The following TRMT9B variants were observed in gnomAD, a reference collection of about 807,000 sequenced individuals.
TRMT9B encodes probable tRNA methyltransferase 9B.
In TRMT9B, 16 loss-of-function variants were observed where a neutral mutation model predicts 11.5. That is an observed-to-expected ratio of 1.39 (90% CI 0.94 to 2.11). TRMT9B has a LOEUF of 2.11. Ranked by LOEUF, TRMT9B falls within the 30% of genes most tolerant of loss-of-function variation. The pLI is 0.00. For missense variants in TRMT9B, 941 were observed against 553.8 expected (o/e 1.70, Z -7.02); for synonymous variants, 274 against 192.4 (o/e 1.42, Z -3.51).
At position 13,027,517 on chromosome 8, in the gene TRMT9B, C is replaced by G. The variant is rs951196945; in HGVS notation, c.*5473C>G. 2 of 166,986 alleles carry G rather than the reference C, an allele frequency of 1.2e-5. No individual in the cohort carries two copies. The highest frequency in any genetic ancestry group is 4.8e-5 in the African/African-American group (2 of 41,448). The allele number at this position is 166,986 out of a possible 1,614,324, so 10.3% of individuals were successfully genotyped here. On this transcript the variant is annotated 3_prime_UTR_variant, in exon 5 of 5. Transcript: ENST00000524591. ...CAGACTCCTTTGGATGGCATTCAGG[C>G]CCTTCATAAAGTAACTCTGAATTAT... is the stretch of plus-strand genomic sequence containing the variant.
chr8:12,965,270 G>A (rs998479192), intron 1 of TRMT9B, among the ~76,000 whole-genome samples: 3 of 152,078 alleles, frequency 2.0e-5, no homozygotes, highest in Admixed American at 6.5e-5. Context: ...GTGTGGATTC[G>A]GAGACTCTGG....
chr8:13,008,768 G>A (rs371884888), intron 3 of TRMT9B, among the ~76,000 whole-genome samples: 3 of 152,104 alleles, frequency 2.0e-5, no homozygotes, highest in African/African-American at 7.2e-5. Context: ...TTGCTCTGTT[G>A]CCCAGGCTGG....
intron 1 of TRMT9B, chr8:12,960,381 G>A (rs1267656586): frequency 6.6e-6 from 1 of 152,194 alleles, no homozygotes; most frequent in African/African-American, 2.4e-5. Context: ...TCAGAAAAAT[G>A]GAGCCCACGG....
chr8:13,012,611 T>C (rs2128894853), intron 3 of TRMT9B, 73 bp from the exon 4 acceptor site: 2 of 1,485,442 alleles, frequency 1.3e-6, no homozygotes, highest in Non-Finnish European at 1.8e-6. Context: ...ATTATATTTC[T>C]TGTTATGAGA....
chr8:13,014,029 A>G (rs1812160361), intron 4 of TRMT9B, among the ~76,000 whole-genome samples: 1 of 152,244 alleles, frequency 6.6e-6, no homozygotes, highest in Non-Finnish European at 1.5e-5. Context: ...GGAGTTATTC[A>G]TAACAAAATT....
chr8:12,954,726 A>T (rs2128858309), intron 1 of TRMT9B, among the ~76,000 whole-genome samples: 1 of 152,326 alleles, frequency 6.6e-6, no homozygotes, highest in Middle Eastern at 3.4e-3. Flanking sequence ...TTTGTGACTC[A>T]CTTCTTTTGA....
chr8:13,006,160 T>C lies in TRMT9B; in HGVS notation c.-1-42T>C, dbSNP rs746220879. The C allele has an allele frequency of 2.5e-6, 4 of 1,599,322 alleles. No individual in the cohort carries two copies. The South Asian group carries it at 4.4e-5, about 18-fold the overall frequency. ...TCCTCCTTCAGCCATCTATGGTGCA[T>C]AGGCTGACCTGCATGCCTTGGGTTG... On this transcript the variant is annotated intron_variant, in intron 2 of 4. Transcript: ENST00000524591.
chr8:13,006,567 A>T (rs561637344), intron 3 of TRMT9B: 2 of 1,421,510 alleles, frequency 1.4e-6, no homozygotes. Context: ...AGGAATCCTG[A>T]AATTGCACCC....
chr8:12,989,804 C>G (rs1295114223), intron 1 of TRMT9B, among the ~76,000 whole-genome samples: 1 of 152,178 alleles, frequency 6.6e-6, no homozygotes, highest in East Asian at 1.9e-4. Context: ...AGATAAGATG[C>G]TTTGGTAGCT....
intron 1 of TRMT9B, among the ~76,000 whole-genome samples, chr8:12,946,210 G>C (rs1177730866): frequency 6.6e-6 from 1 of 152,172 alleles, no homozygotes; most frequent in East Asian, 1.9e-4. Context: ...TCTTAGGACA[G>C]AAAGATTAAT....
At chr8:12,958,996 G>A (rs1031044246) in intron 1 of TRMT9B, among the ~76,000 whole-genome samples, 12 of 152,120 alleles carry the variant, frequency 7.9e-5, no homozygotes, top group Admixed American at 2.6e-4. Flanking sequence ...TAATGTAAAT[G>A]ACAAGTTGAT....
chr8:12,960,305 A>G (rs577519970), intron 1 of TRMT9B: 1 of 152,226 alleles, frequency 6.6e-6, no homozygotes, highest in Admixed American at 6.5e-5. Flanking sequence ...TTAAGAAAAT[A>G]TATCTGCAAA....
At chr8:12,961,822 G>T (rs756815359) in intron 1 of TRMT9B, 1 of 152,062 alleles carries the variant, frequency 6.6e-6, no homozygotes, top group Non-Finnish European at 1.5e-5. Context: ...CAGCTCTGTT[G>T]CCTTAATCCC....
intron 1 of TRMT9B, among the ~76,000 whole-genome samples, chr8:12,983,910 CTT>C (rs574514228): frequency 6.6e-6 from 1 of 152,050 alleles, no homozygotes; most frequent in Admixed American, 6.6e-5. Flanking sequence ...ACCCTGAACA[CTT>C]TTTTTAAAAA....
intron 4 of TRMT9B, among the ~76,000 whole-genome samples, chr8:13,017,468 A>G (rs982795773): frequency 1.3e-5 from 2 of 152,236 alleles, no homozygotes; most frequent in African/African-American, 4.8e-5. Flanking sequence ...ACTTTAAAAA[A>G]TTCAACATAG....
At chr8:13,005,138 A>C (rs1465757941) in intron 2 of TRMT9B, among the ~76,000 whole-genome samples, 19 of 152,274 alleles carry the variant, frequency 1.2e-4, no homozygotes, top group Admixed American at 1.1e-3. Context: ...ATTCGCAATA[A>C]CATGGATGGA....
intron 3 of TRMT9B, among the ~76,000 whole-genome samples, chr8:13,009,144 C>G (rs1563418367): frequency 6.6e-6 from 1 of 152,102 alleles, no homozygotes; most frequent in Non-Finnish European, 1.5e-5. Context: ...GTGAAATCAG[C>G]CAGGCACAGA....
intron 1 of TRMT9B, among the ~76,000 whole-genome samples, chr8:12,949,988 G>A (rs1330049727): frequency 6.6e-6 from 1 of 152,102 alleles, no homozygotes; most frequent in Non-Finnish European, 1.5e-5. Flanking sequence ...GAATGGCTGG[G>A]ATCATAGGCA....
rs746162450 is a variant in TRMT9B at position 13,021,493 on chromosome 8, AAAAACACAG to A, written c.817_825del (p.Asn273_Glu275del). 13 of 1,613,636 alleles carry A rather than the reference AAAAACACAG, an allele frequency of 8.1e-6. No homozygotes were observed. The highest frequency in any genetic ancestry group is 1.0e-5 in the Non-Finnish European group (12 of 1,179,686). ...GCAAATTGAAAGAGTAAGACCCTTG[AAAAACACAG>A]AAGTTTGGGCCAGTAGCACTGTAAC... is the stretch of plus-strand genomic sequence containing the variant. On this transcript the variant is annotated inframe_deletion, in exon 5 of 5. Transcript: ENST00000524591.
Sources: gnomAD v4.1 joint callset for allele counts (sites outside exome capture counted in the v4.1 genomes callset) on GRCh38, gnomAD v4.1.1 for gene constraint, MANE v1.5 for transcripts, NCBI Gene and HGNC (gene_info 2026-07-23, HGNC 2026-07-21) for gene names.